The following SLC18A1 variants were observed in gnomAD, a reference collection of about 807,000 sequenced individuals.
The protein encoded by SLC18A1 is solute carrier family 18 member A1, also known as chromaffin granule amine transporter.
Under a neutral mutation model 53.7 loss-of-function variants are expected in SLC18A1, and 69 were observed. The ratio of observed to expected loss-of-function variants is 1.28; its 90% CI spans 1.06 to 1.57. The LOEUF is 1.57. SLC18A1 is among the 40% of genes most tolerant of loss of function. The pLI is 0.00. For synonymous variants in SLC18A1, 320 were observed against 248.1 expected, an observed-to-expected ratio of 1.29 and a Z score of -2.72; for missense variants, 932 against 668.1, an observed-to-expected ratio of 1.40 and a Z score of -4.35.
intron 1 of SLC18A1, among the ~76,000 whole-genome samples, chr8:20,182,333 C>T (rs1441048492): frequency 1.6e-5 from 2 of 128,902 alleles, no homozygotes; most frequent in Non-Finnish European, 3.7e-5. Context: ...TATTAAGCGG[C>T]TCTTAAAAAT....
chr8:20,155,898 C>T (rs2071670603), intron 10 of SLC18A1, among the ~76,000 whole-genome samples: 1 of 152,202 alleles, frequency 6.6e-6, no homozygotes, highest in South Asian at 2.1e-4. Context: ...GGGACCCGTT[C>T]CCCACCACCC....
At chr8:20,166,289 C>T (rs13250997) in intron 8 of SLC18A1, among the ~76,000 whole-genome samples, 1 of 107,256 alleles carries the variant, frequency 9.3e-6, no homozygotes, top group Non-Finnish European at 1.9e-5. Flanking sequence ...GTGTGTGTGT[C>T]TATATATATA....
At chr8:20,172,990 A>C in intron 6 of SLC18A1, 46 bp downstream of exon 6, 1 of 1,362,554 alleles carries the variant, frequency 7.3e-7, no homozygotes, top group African/African-American at 1.4e-5. Context: ...CCTGCTTCCT[A>C]GAGTCCCACC....
At chr8:20,160,525 A>T (rs2071802851) in intron 10 of SLC18A1, among the ~76,000 whole-genome samples, 1 of 151,982 alleles carries the variant, frequency 6.6e-6, no homozygotes, top group South Asian at 2.1e-4. Flanking sequence ...ACATTTTGTG[A>T]CTATCAAAAT....
At chr8:20,175,933 T>C (rs2072241272) in intron 4 of SLC18A1, 1 of 152,194 alleles carries the variant, frequency 6.6e-6, no homozygotes, top group East Asian at 1.9e-4. Context: ...ACTCTCCCAA[T>C]GTCCTTTGAG....
chr8:20,157,255 T>C (rs1384939089), intron 10 of SLC18A1, among the ~76,000 whole-genome samples: 1 of 152,156 alleles, frequency 6.6e-6, no homozygotes, highest in African/African-American at 2.4e-5. Context: ...TGGAGAGATA[T>C]AATGTTACTG....
At chr8:20,148,480 T>C (rs972176746) in intron 12 of SLC18A1, 2 of 1,288,896 alleles carry the variant, frequency 1.6e-6, no homozygotes, top group Non-Finnish European at 2.0e-6. Flanking sequence ...ATTATGGACA[T>C]CACTGAAAGG....
chr8:20,173,162 T>TG (rs760253226), intron 5 of SLC18A1, 34 bp from the exon 6 acceptor site: 8 of 1,503,162 alleles, frequency 5.3e-6, no homozygotes, highest in Non-Finnish European at 6.3e-6. Context: ...GCTGGCCCCC[T>TG]GGGGGGCTTC....
chr8:20,174,847 TG>T (rs1427667184), intron 4 of SLC18A1, among the ~76,000 whole-genome samples: 1 of 152,210 alleles, frequency 6.6e-6, no homozygotes, highest in East Asian at 1.9e-4. Flanking sequence ...TTACCATTGC[TG>T]GGTCCCACAG....
rs557020347 is a variant in SLC18A1 at position 20,166,354 on chromosome 8, A to G, written c.859-1247T>C. On this transcript the variant is annotated intron_variant, in intron 8 of 15. Transcript: ENST00000276373. The stretch of plus-strand genomic sequence containing the variant: ...ATACACCACCAGGTGGAAAATAATA[A>G]GGAAAGATTCTGTGAACTAGTAGAG... Among the ~76,000 whole-genome samples the G allele has an allele frequency of 8.4e-5, 12 of 142,386 alleles. No individual in the cohort carries two copies. In the East Asian group the frequency reaches 2.2e-3, roughly 26 times the overall value. The allele number at this position is 142,386 out of a possible 152,430, so 93.4% of individuals were successfully genotyped here.
chr8:20,151,921 G>T (rs1452833298), intron 10 of SLC18A1, among the ~76,000 whole-genome samples: 1 of 152,188 alleles, frequency 6.6e-6, no homozygotes, highest in Non-Finnish European at 1.5e-5. Flanking sequence ...TTACACTCCA[G>T]GGGAGGGAGA....
In SLC18A1 at chr8:20,148,018, C is replaced by G; in HGVS notation, c.1199G>C (p.Gly400Ala). The G allele has an allele frequency of 6.2e-7, 1 of 1,614,064 alleles. No individual in the cohort carries two copies. The highest frequency in any genetic ancestry group is 1.1e-5 in the South Asian group (1 of 91,066). The change falls in exon 13 of 16, where the codon GGC becomes GCC. Residue 400 changes from glycine to alanine, a missense_variant. Gly to Ala is a moderately conservative substitution (Grantham distance 60). Transcript: ENST00000276373. ...AGGGCACTTCTTACCTATGGCAAGG[C>G]CAAGCCCTGCATTGGGGCCAATGAG... ...FGLIGPNAGL[G>A]LAIGMVDSSM... is the part of the protein sequence containing the mutation.
intron 13 of SLC18A1, 31 bp from the exon 14 acceptor site, chr8:20,147,753 C>A: frequency 6.2e-7 from 1 of 1,606,350 alleles, no homozygotes; most frequent in Non-Finnish European, 8.5e-7. Context: ...ACACAGTCAG[C>A]CCCACCCACA....
intron 10 of SLC18A1, among the ~76,000 whole-genome samples, chr8:20,157,060 A>G (rs2071700860): frequency 6.6e-6 from 1 of 152,176 alleles, no homozygotes; most frequent in Non-Finnish European, 1.5e-5. Flanking sequence ...GGTGAGCGTA[A>G]CTAATCCGGT....
Position 20,166,287 on chromosome 8 carries a change from G to GTGTGTGTATATA in SLC18A1, c.859-1181_859-1180insTATATACACACA, listed in dbSNP as rs1235212014. 1.3e-4 allele frequency among the ~76,000 whole-genome samples: 10 copies of GTGTGTGTATATA among 78,996 alleles called. 1 individual carries two copies. The South Asian group carries it at 1.9e-3, about 15-fold the overall frequency. 51.8% of individuals were successfully genotyped at this position (78,996 alleles called of 152,430 possible). A position where few individuals can be genotyped will look rare whatever the true frequency, so the allele number is the denominator to read the frequency against. ...CAAAATTGTGTGTGGGTGTGTGTGT[G>GTGTGTGTATATA]TCTATATATATATATATATATATAT... On this transcript the variant is annotated intron_variant, in intron 8 of 15. Transcript: ENST00000276373.
intron 8 of SLC18A1, among the ~76,000 whole-genome samples, chr8:20,168,664 G>A (rs1032481297): frequency 3.3e-5 from 5 of 152,096 alleles, no homozygotes; most frequent in African/African-American, 1.2e-4. Context: ...CGCCTCCTAG[G>A]TTCAAGGGAT....
intron 1 of SLC18A1, among the ~76,000 whole-genome samples, chr8:20,181,545 G>C (rs536272034): frequency 6.6e-6 from 1 of 152,214 alleles, no homozygotes; most frequent in South Asian, 2.1e-4. Flanking sequence ...CCAGGAGTTT[G>C]AGTCCAGCCT....
intron 10 of SLC18A1, among the ~76,000 whole-genome samples, chr8:20,153,847 A>G (rs117697833): frequency 1.3e-5 from 2 of 152,318 alleles, no homozygotes; most frequent in Non-Finnish European, 2.9e-5. Flanking sequence ...AGGAAATATA[A>G]TTAATACTGA....
intron 10 of SLC18A1, among the ~76,000 whole-genome samples, chr8:20,153,036 AATG>A (rs1193265477): frequency 1.3e-5 from 2 of 152,206 alleles, no homozygotes; most frequent in Non-Finnish European, 2.9e-5. Context: ...AACCACTGAG[AATG>A]ATGATGGTGA....
Sources: gnomAD v4.1 joint callset for allele counts (sites outside exome capture counted in the v4.1 genomes callset) on GRCh38, gnomAD v4.1.1 for gene constraint, MANE v1.5 for transcripts, NCBI Gene and HGNC (gene_info 2026-07-23, HGNC 2026-07-21) for gene names.